The following DRC8 variants were observed in gnomAD, a reference collection of about 807,000 sequenced individuals.
DRC8 encodes dynein regulatory complex subunit 8.
chr1:245,065,073 C>CTTTTTTTTTT, the DRC8 span, among the ~76,000 whole-genome samples: 189 of 81,604 alleles, frequency 2.3e-3, 3 homozygotes, highest in East Asian at 5.9e-3. Context: ...TAACATTCTT[C>CTTTTTTTTTT]TTTTTTTTTT....
chr1:245,019,505 G>A, the DRC8 span, among the ~76,000 whole-genome samples: 1 of 151,990 alleles, frequency 6.6e-6, no homozygotes, highest in Non-Finnish European at 1.5e-5. Context: ...TCCTGCCTCA[G>A]CCTCCCAAGC....
chr1:245,057,808 C>T, the DRC8 span, among the ~76,000 whole-genome samples: 1 of 152,100 alleles, frequency 6.6e-6, no homozygotes, highest in African/African-American at 2.4e-5. Context: ...TATAATTCTT[C>T]TCTTCTTGCT....
the DRC8 span, among the ~76,000 whole-genome samples, chr1:245,076,827 A>G: frequency 2.0e-5 from 3 of 152,042 alleles, no homozygotes; most frequent in South Asian, 2.1e-4. Flanking sequence ...CCTGGGTTCA[A>G]GAGATCCTCC....
the DRC8 span, among the ~76,000 whole-genome samples, chr1:244,995,947 C>T: frequency 4.6e-5 from 7 of 152,212 alleles, no homozygotes; most frequent in African/African-American, 9.7e-5. Context: ...CCCGTTTTCC[C>T]GTACCATACC....
chr1:244,990,165 G>T, the DRC8 span, among the ~76,000 whole-genome samples: 1 of 152,194 alleles, frequency 6.6e-6, no homozygotes, highest in Admixed American at 6.5e-5. Flanking sequence ...ATGGTGCTCT[G>T]TGTCATTCAC....
chr1:244,992,708 G>A, the DRC8 span, among the ~76,000 whole-genome samples: 1 of 152,096 alleles, frequency 6.6e-6, no homozygotes, highest in Non-Finnish European at 1.5e-5. Flanking sequence ...CCACTGCACC[G>A]CAGCCTGGGC....
the DRC8 span, among the ~76,000 whole-genome samples, chr1:245,088,315 G>GACACACACACACACACACACACAC: frequency 4.2e-4 from 61 of 145,598 alleles, no homozygotes; most frequent in Non-Finnish European, 5.9e-4. The surrounding 1 kb of genome is among the most constrained non-coding windows in gnomAD (Gnocchi z 4.6). Context: ...GTTATAACAA[G>GACACACACACACACACACACACAC]ACACACACAC....
the DRC8 span, among the ~76,000 whole-genome samples, chr1:245,104,950 T>G: frequency 1.3e-5 from 2 of 152,226 alleles, no homozygotes; most frequent in Admixed American, 6.5e-5. Context: ...CCCTCCCCTT[T>G]TGTTCTTGTC....
At chr1:245,082,175 A>G in the DRC8 span, 2 of 1,601,794 alleles carry the variant, frequency 1.2e-6, no homozygotes, top group Admixed American at 3.3e-5. Context: ...AAGTAAGTAA[A>G]TGCAATTGTT....
At chr1:245,087,073 C>T in the DRC8 span, 1 of 940,404 alleles carries the variant, frequency 1.1e-6, no homozygotes, top group South Asian at 1.7e-5. Flanking sequence ...TGTACAATAG[C>T]CTTGTCTTTG....
At chr1:245,111,990 C>T in the DRC8 span, among the ~76,000 whole-genome samples, 6 of 152,316 alleles carry the variant, frequency 3.9e-5, no homozygotes, top group Admixed American at 2.0e-4. Flanking sequence ...GAAGTGTTTG[C>T]GCCACTGCAC....
the DRC8 span, among the ~76,000 whole-genome samples, chr1:245,108,668 A>T: frequency 1.3e-5 from 2 of 152,156 alleles, no homozygotes; most frequent in African/African-American, 4.8e-5. Flanking sequence ...CATATGCAGC[A>T]GAGTCTATTC....
At chr1:245,002,129 A>G in the DRC8 span, 2 of 1,603,412 alleles carry the variant, frequency 1.2e-6, no homozygotes, top group Non-Finnish European at 1.7e-6. Context: ...AGGGCCTGGG[A>G]TACAACAGTG....
At chr1:245,122,122 C>T in the DRC8 span, 37 of 253,798 alleles carry the variant, frequency 1.5e-4, no homozygotes, top group African/African-American at 8.3e-4. Flanking sequence ...CTCCTGGTCT[C>T]GAACTCCTGA....
the DRC8 span, chr1:245,059,338 T>G: frequency 6.9e-7 from 1 of 1,450,802 alleles, no homozygotes; most frequent in South Asian, 1.2e-5. Flanking sequence ...AAACCTGGCC[T>G]TTTCGGAGTT....
chr1:244,994,140 C>T, the DRC8 span, among the ~76,000 whole-genome samples: 5 of 152,282 alleles, frequency 3.3e-5, no homozygotes, highest in East Asian at 9.6e-4. Context: ...TCTTTGTCAT[C>T]TTTTCTTTTA....
At chr1:245,118,648 T>G in the DRC8 span, among the ~76,000 whole-genome samples, 1 of 151,470 alleles carries the variant, frequency 6.6e-6, no homozygotes, top group African/African-American at 2.4e-5. Context: ...AAAATTAGCC[T>G]GGCGTGGTGG....
At chr1:245,051,325 G>C in the DRC8 span, among the ~76,000 whole-genome samples, 6 of 152,206 alleles carry the variant, frequency 3.9e-5, no homozygotes, top group African/African-American at 1.2e-4. Flanking sequence ...CCAGGAGTTT[G>C]AGTATGTAGT....
the DRC8 span, among the ~76,000 whole-genome samples, chr1:245,116,749 A>T: frequency 6.6e-6 from 1 of 152,240 alleles, no homozygotes; most frequent in East Asian, 1.9e-4. Context: ...AAGTAGCATA[A>T]AAGCTGGTCT....
Sources: allele counts gnomAD v4.1 joint callset (sites outside exome capture counted in the v4.1 genomes callset), GRCh38; gene constraint gnomAD v4.1.1; non-coding constraint Gnocchi (gnomAD v3.1); transcripts MANE v1.5; gene names NCBI Gene and HGNC (gene_info 2026-07-23, HGNC 2026-07-21).